FBXW8: variants seen among roughly 807,000 people sequenced by gnomAD.
The protein encoded by FBXW8 is F-box/WD repeat-containing protein 8.
Under a neutral mutation model 65.3 loss-of-function variants are expected in FBXW8, and 57 were observed. The ratio of observed to expected loss-of-function variants is 0.87; its 90% CI spans 0.71 to 1.09. The LOEUF (loss-of-function observed/expected upper bound fraction) is 1.09. Ranked by LOEUF, FBXW8 falls within the 50% of genes least tolerant of loss-of-function variation. The probability of loss-of-function intolerance (pLI) is 0.00; values close to 1 mark genes in which losing one functional copy is unlikely to be tolerated. For synonymous variants in FBXW8, 308 were observed against 330.2 expected, an observed-to-expected ratio of 0.93 and a Z score of 0.73; for missense variants, 777 against 814.8, an observed-to-expected ratio of 0.95 and a Z score of 0.57.
intron 5 of FBXW8, among the ~76,000 whole-genome samples, chr12:116,966,566 C>T (rs572790063): frequency 6.6e-5 from 10 of 152,248 alleles, no homozygotes; most frequent in African/African-American, 2.4e-4. Context: ...ATTTGCAGCC[C>T]ATGTCTCACA....
intron 1 of FBXW8, among the ~76,000 whole-genome samples, chr12:116,912,677 A>G (rs562642484): frequency 6.6e-6 from 1 of 151,904 alleles, no homozygotes; most frequent in African/African-American, 2.4e-5. Context: ...GTTAGCCAGG[A>G]TGGTCTCGAT....
At chr12:116,993,263 C>A (rs1051401968) in intron 7 of FBXW8, among the ~76,000 whole-genome samples, 2 of 151,926 alleles carry the variant, frequency 1.3e-5, no homozygotes, top group Admixed American at 6.6e-5. Context: ...GCCACCACGC[C>A]TGGCTAATTT....
At chr12:117,001,128 C>G (rs1158517737) in intron 7 of FBXW8, among the ~76,000 whole-genome samples, 1 of 152,192 alleles carries the variant, frequency 6.6e-6, no homozygotes, top group Admixed American at 6.5e-5. Flanking sequence ...TTACAAAGAG[C>G]TCATATGTGT....
At position 116,911,370 on chromosome 12, in the gene FBXW8, C is replaced by T. The variant is rs1879919946; in HGVS notation, c.318+15C>T. 2 of 1,264,558 alleles carry T rather than the reference C, an allele frequency of 1.6e-6. No homozygotes were observed. Among genetic ancestry groups the T allele is most frequent in the South Asian group, 3.0e-5 (1 of 33,812 alleles). The allele number at this position is 1,264,558 out of a possible 1,614,324, so 78.3% of individuals were successfully genotyped here. ...TCCGCGACCTGGTGAGTGGCCGTCG[C>T]CTCCCCCCCGCCCATGCCTGCGCCG... On this transcript the variant is annotated intron_variant, in intron 1 of 10. Transcript: ENST00000652555.
intron 5 of FBXW8, among the ~76,000 whole-genome samples, chr12:116,967,250 T>C (rs1884384845): frequency 6.6e-6 from 1 of 152,140 alleles, no homozygotes; most frequent in East Asian, 1.9e-4. Context: ...TTAATGCCTG[T>C]GTAGTACTGC....
At chr12:116,983,969 G>C (rs1489514308) in intron 5 of FBXW8, among the ~76,000 whole-genome samples, 1 of 152,166 alleles carries the variant, frequency 6.6e-6, no homozygotes, top group Non-Finnish European at 1.5e-5. Flanking sequence ...AACAAGTGCT[G>C]GAGCTGGATT....
intron 1 of FBXW8, among the ~76,000 whole-genome samples, chr12:116,920,148 T>G (rs1268131124): frequency 6.6e-6 from 1 of 152,214 alleles, no homozygotes; most frequent in East Asian, 1.9e-4. Context: ...CAGCCCAAAT[T>G]TCTCCCTTTC....
chr12:116,999,646 G>A (rs7959666), intron 7 of FBXW8, among the ~76,000 whole-genome samples: 104,352 of 152,088 alleles, frequency 0.69, 40,155 homozygotes, highest in Non-Finnish European at 0.84. Context: ...TCAGAGCACT[G>A]GCTGCGTGGC....
At chr12:116,953,630 G>A (rs1228438582) in intron 4 of FBXW8, among the ~76,000 whole-genome samples, 1 of 151,676 alleles carries the variant, frequency 6.6e-6, no homozygotes, top group African/African-American at 2.4e-5. Context: ...AAAATTATCC[G>A]GGCATGGTGG....
rs148956109 is a variant in FBXW8 at position 116,921,631 on chromosome 12, C to T, written c.319-6392C>T. Among the ~76,000 whole-genome samples the T allele has an allele frequency of 1.6e-4, 24 of 152,108 alleles. No individual in the cohort carries two copies. In the East Asian group the frequency reaches 4.2e-3, roughly 27 times the overall value. The stretch of plus-strand genomic sequence containing the variant: ...CCCTCCCCCTAGCACCTGGTGTGGC[C>T]CTGAATTTAGATAGTATTTTGAACA... On this transcript the variant is annotated intron_variant, in intron 1 of 10. Coordinates refer to ENST00000652555, the MANE Select transcript of FBXW8 (RefSeq NM_153348.3).
intron 5 of FBXW8, among the ~76,000 whole-genome samples, chr12:116,966,500 G>T (rs903343846): frequency 6.6e-6 from 1 of 152,114 alleles, no homozygotes; most frequent in Non-Finnish European, 1.5e-5. Flanking sequence ...TGCGGTGGTC[G>T]TGCTGTTTGT....
Position 117,030,856 on chromosome 12 carries a change from C to T in FBXW8, c.*2684C>T, listed in dbSNP as rs1954342489. On this transcript the variant is annotated 3_prime_UTR_variant, in exon 11 of 11. Transcript: ENST00000652555. Reference sequence around the variant, plus strand: ...CACACTGACAGGGAAAGGATAAATGCTCCTTTATAAGCCAACATGTATCCA... The same window carrying T: ...CACACTGACAGGGAAAGGATAAATGTTCCTTTATAAGCCAACATGTATCCA... 6.6e-6 allele frequency: 1 copy of T among 152,238 alleles called. No individual in the cohort carries two copies. Among genetic ancestry groups the T allele is most frequent in the Admixed American group, 6.5e-5 (1 of 15,280 alleles). 9.4% of individuals were successfully genotyped at this position (152,238 alleles called of 1,614,324 possible).
intron 8 of FBXW8, among the ~76,000 whole-genome samples, chr12:117,015,411 C>T (rs1281751401): frequency 1.3e-5 from 2 of 152,120 alleles, no homozygotes; most frequent in African/African-American, 2.4e-5. Context: ...GTCCTCCTTT[C>T]TTTTCAGTGA....
Position 116,969,293 on chromosome 12 carries a change from C to T in FBXW8, c.835+4439C>T, listed in dbSNP as rs567837366. On this transcript the variant is annotated intron_variant, in intron 5 of 10. Coordinates refer to ENST00000652555, the MANE Select transcript of FBXW8 (RefSeq NM_153348.3). ...TAGAGCCCTTGTGTTTCCCTGCTCCCCTCTCATGCTGAGCTTGTTTCATTG... is the reference window on the plus strand; with the variant it reads ...TAGAGCCCTTGTGTTTCCCTGCTCCTCTCTCATGCTGAGCTTGTTTCATTG... Among the ~76,000 whole-genome samples the T allele has an allele frequency of 2.0e-5, 3 of 152,314 alleles. No individual in the cohort carries two copies. In the East Asian group the frequency reaches 5.8e-4, roughly 29 times the overall value.
chr12:116,939,225 CTT>C (rs1882391950), intron 2 of FBXW8, among the ~76,000 whole-genome samples: 2 of 152,168 alleles, frequency 1.3e-5, no homozygotes, highest in Admixed American at 6.5e-5. Context: ...AAATTAGAAA[CTT>C]TTTCAGTGCT....
chr12:116,996,822 G>A (rs1260381974), intron 7 of FBXW8, among the ~76,000 whole-genome samples: 1 of 152,142 alleles, frequency 6.6e-6, no homozygotes, highest in Non-Finnish European at 1.5e-5. Context: ...CATGCTGCGT[G>A]TGCAATATCT....
intron 5 of FBXW8, among the ~76,000 whole-genome samples, chr12:116,969,315 A>C (rs550095724): frequency 2.6e-5 from 4 of 151,988 alleles, no homozygotes; most frequent in Non-Finnish European, 5.9e-5. Flanking sequence ...AGCTTGTTTC[A>C]TTGGTCTGAT....
chr12:117,020,997 C>T (rs57135901), intron 8 of FBXW8, among the ~76,000 whole-genome samples: 7,857 of 152,234 alleles, frequency 0.052, 507 homozygotes, highest in African/African-American at 0.15. Context: ...GTGGAATTGC[C>T]GGCTCAGAAG....
chr12:116,975,980 A>G (rs772500491), intron 5 of FBXW8, among the ~76,000 whole-genome samples: 1 of 152,234 alleles, frequency 6.6e-6, no homozygotes, highest in Non-Finnish European at 1.5e-5. Flanking sequence ...ATGTTGCATC[A>G]GCGTTAATTT....
Sources: allele counts gnomAD v4.1 joint callset (sites outside exome capture counted in the v4.1 genomes callset), GRCh38; gene constraint gnomAD v4.1.1; transcripts MANE v1.5; gene names NCBI Gene and HGNC (gene_info 2026-07-23, HGNC 2026-07-21).